NSD3: variants seen among roughly 807,000 people sequenced by gnomAD.
The protein encoded by NSD3 is histone-lysine N-methyltransferase NSD3.
In NSD3, 24 loss-of-function variants were observed where a neutral mutation model predicts 160.8. The ratio of observed to expected loss-of-function variants is 0.15; its 90% CI spans 0.11 to 0.21. NSD3 has a LOEUF of 0.21. Ranked by LOEUF, NSD3 falls within the 10% of genes least tolerant of loss-of-function variation. The pLI, the probability that NSD3 is intolerant of heterozygous loss-of-function variation, is 1.00. For synonymous variants in NSD3, 520 were observed against 600.0 expected, an observed-to-expected ratio of 0.87 and a Z score of 1.95; for missense variants, 1,157 against 1,735.9, an observed-to-expected ratio of 0.67 and a Z score of 5.93.
chr8:38,318,002 A>C lies in NSD3; in HGVS notation c.1855+893T>G. ...CGCTGCGGAGACGGAGCTGTCACTG[A>C]ATCTGACAGAGCCCTGCACTCCCCG... On this transcript the variant is annotated intron_variant, in intron 9 of 23. Transcript: ENST00000317025. The surrounding 1 kb of genome is among the most constrained non-coding windows in gnomAD (Gnocchi z 5.3). 6.2e-7 allele frequency: 1 copy of C among 1,614,146 alleles called. No individual in the cohort carries two copies. The highest frequency in any genetic ancestry group is 8.5e-7 in the Non-Finnish European group (1 of 1,180,030).
At chr8:38,278,040 G>T (rs543924932) in intron 22 of NSD3, among the ~76,000 whole-genome samples, 19 of 151,442 alleles carry the variant, frequency 1.3e-4, no homozygotes, top group African/African-American at 1.9e-4. Flanking sequence ...CCGGGTTCAC[G>T]CCATTCTCCT....
intron 3 of NSD3, among the ~76,000 whole-genome samples, chr8:38,338,125 C>A (rs947247079): frequency 2.6e-5 from 4 of 151,930 alleles, no homozygotes; most frequent in Non-Finnish European, 5.9e-5. Flanking sequence ...CACAGTGAAA[C>A]CCCGTCTCTA....
intron 1 of NSD3, among the ~76,000 whole-genome samples, chr8:38,357,167 T>A (rs1459382578): frequency 1.3e-5 from 2 of 151,060 alleles, no homozygotes; most frequent in Non-Finnish European, 3.0e-5. Context: ...GATATCATTA[T>A]TTAAGCATTT....
chr8:38,295,990 A>G (rs1217019223), intron 15 of NSD3, 38 bp from the exon 16 acceptor site: 1 of 1,555,268 alleles, frequency 6.4e-7, no homozygotes, highest in Non-Finnish European at 8.7e-7. Flanking sequence ...CTGAGAAAAG[A>G]GGAGAGAGAA....
intron 1 of NSD3, among the ~76,000 whole-genome samples, chr8:38,381,000 T>C (rs1811532314): frequency 6.6e-6 from 1 of 152,034 alleles, no homozygotes; most frequent in Non-Finnish European, 1.5e-5. Flanking sequence ...CACCTCCCCA[T>C]TTCACAACAA....
intron 1 of NSD3, among the ~76,000 whole-genome samples, chr8:38,373,060 A>AAAAG (rs1263492951): frequency 6.6e-6 from 1 of 151,736 alleles, no homozygotes; most frequent in Non-Finnish European, 1.5e-5. Flanking sequence ...AAAAAAAAAA[A>AAAAG]AAAGAAAGAA....
chr8:38,293,526 G>A (rs1260671763), intron 16 of NSD3, among the ~76,000 whole-genome samples: 1 of 151,926 alleles, frequency 6.6e-6, no homozygotes, highest in African/African-American at 2.4e-5. Context: ...CTCCAGCCTG[G>A]CAACAGAGCG....
chr8:38,291,453 C>T (rs1314603949), intron 16 of NSD3, among the ~76,000 whole-genome samples: 1 of 152,170 alleles, frequency 6.6e-6, no homozygotes, highest in Non-Finnish European at 1.5e-5. Context: ...TTTTGAATCT[C>T]TTATTTTACA....
intron 1 of NSD3, among the ~76,000 whole-genome samples, chr8:38,360,385 TCTC>T (rs1810933377): frequency 1.3e-5 from 2 of 152,174 alleles, no homozygotes; most frequent in African/African-American, 4.8e-5. Context: ...CATTTTTAGT[TCTC>T]CTATAGCTTT....
Position 38,275,637 on chromosome 8 carries a change from AC to A in NSD3, c.*3del, listed in dbSNP as rs1443251964. ...TTAAATAGAAAGGAGGGGACACCACACATTTATTCTTTTACTTCTTCTCCAT... is the reference window on the plus strand; with the variant it reads ...TTAAATAGAAAGGAGGGGACACCACAATTTATTCTTTTACTTCTTCTCCAT... On this transcript the variant is annotated 3_prime_UTR_variant, in exon 24 of 24. Coordinates refer to ENST00000317025, the MANE Select transcript of NSD3 (RefSeq NM_023034.2). The A allele has an allele frequency of 1.2e-6, 2 of 1,612,118 alleles. No homozygotes were observed. Among genetic ancestry groups the A allele is most frequent in the African/African-American group, 2.7e-5 (2 of 75,004 alleles).
At chr8:38,298,855 G>A (rs1002017100) in intron 15 of NSD3, among the ~76,000 whole-genome samples, 1 of 152,150 alleles carries the variant, frequency 6.6e-6, no homozygotes, top group Non-Finnish European at 1.5e-5. Context: ...CAATTCAGCT[G>A]GGCTGCCTTC....
In NSD3 at chr8:38,316,426, A is replaced by G; in HGVS notation, c.1856-384T>C. 3 of 1,048,646 alleles carry G rather than the reference A, an allele frequency of 2.9e-6. No individual in the cohort carries two copies. The highest frequency in any genetic ancestry group is 2.3e-6 in the Non-Finnish European group (2 of 868,272). The allele number at this position is 1,048,646 out of a possible 1,614,324, so 65.0% of individuals were successfully genotyped here. A position where few individuals can be genotyped will look rare whatever the true frequency, so the allele number is the denominator to read the frequency against. The stretch of plus-strand genomic sequence containing the variant: ...AACCCAACACACTGTGTAGCTTACA[A>G]ATATGGTTGCAGAGACATCTCCATC... On this transcript the variant is annotated intron_variant, in intron 9 of 23. Coordinates refer to ENST00000317025, the MANE Select transcript of NSD3 (RefSeq NM_023034.2). This position sits in a 1 kb window ranked among gnomAD's most constrained non-coding sequence, Gnocchi z 4.5.
chr8:38,341,454 C>A (rs1431093104), intron 2 of NSD3, among the ~76,000 whole-genome samples: 1 of 151,020 alleles, frequency 6.6e-6, no homozygotes, highest in African/African-American at 2.4e-5. Context: ...AGAAGAATTG[C>A]TTGAACCTGG....
At chr8:38,311,765 G>A (rs1342010661) in intron 12 of NSD3, among the ~76,000 whole-genome samples, 1 of 152,078 alleles carries the variant, frequency 6.6e-6, no homozygotes, top group African/African-American at 2.4e-5. Context: ...AAGACCCTTT[G>A]GTGTACAAAA....
Position 38,288,053 on chromosome 8 carries a change from G to A in NSD3, c.3501+434C>T, listed in dbSNP as rs1585856891. ...GTTTGAGACCAGCCTGGGCAATGTAGTGAGACCCTATCCAGCTACTCGGGA... is the reference window on the plus strand; with the variant it reads ...GTTTGAGACCAGCCTGGGCAATGTAATGAGACCCTATCCAGCTACTCGGGA... On this transcript the variant is annotated intron_variant, in intron 19 of 23. Transcript: ENST00000317025. The surrounding 1 kb of genome is among the most constrained non-coding windows in gnomAD (Gnocchi z 4.5). 6.6e-6 allele frequency among the ~76,000 whole-genome samples: 1 copy of A among 152,204 alleles called. No homozygotes were observed. The highest frequency in any genetic ancestry group is 1.9e-4 in the East Asian group (1 of 5,178).
rs994139158 is a variant in NSD3, at chr8:38,339,690, C to T, written c.676-1083G>A. Among the ~76,000 whole-genome samples the T allele has an allele frequency of 2.1e-4, 31 of 150,562 alleles. 1 individual carries two copies. The highest frequency in any genetic ancestry group is 1.9e-3 in the Admixed American group (29 of 15,112). Reference sequence around the variant, plus strand: ...GCAGTGAGCCGAGATCATGCCACTGCACTCCAGCCTGGTGACAGAGCAAGA... The same window carrying T: ...GCAGTGAGCCGAGATCATGCCACTGTACTCCAGCCTGGTGACAGAGCAAGA... On this transcript the variant is annotated intron_variant, in intron 2 of 23. Transcript: ENST00000317025.
chr8:38,356,814 T>C (rs1042154866), intron 1 of NSD3, among the ~76,000 whole-genome samples: 1 of 152,064 alleles, frequency 6.6e-6, no homozygotes, highest in African/African-American at 2.4e-5. Context: ...ACTTTATATT[T>C]AATTATACTT....
intron 20 of NSD3, 45 bp downstream of exon 20, chr8:38,281,418 AAAAC>A (rs1338818487): frequency 1.9e-6 from 2 of 1,072,036 alleles, no homozygotes; most frequent in East Asian, 2.7e-5. Context: ...CTATGAAACA[AAAAC>A]AAAAACAAAT....
chr8:38,336,721 CT>C (rs1810225167), intron 4 of NSD3, among the ~76,000 whole-genome samples: 1 of 152,048 alleles, frequency 6.6e-6, no homozygotes, highest in Non-Finnish European at 1.5e-5. Context: ...AGATTAAGGT[CT>C]TTAAAAAAAG....
Sources: allele counts gnomAD v4.1 joint callset (sites outside exome capture counted in the v4.1 genomes callset), GRCh38; gene constraint gnomAD v4.1.1; non-coding constraint Gnocchi (gnomAD v3.1); transcripts MANE v1.5; gene names NCBI Gene and HGNC (gene_info 2026-07-23, HGNC 2026-07-21).